The following SLC4A4 variants were observed in gnomAD, a reference collection of about 807,000 sequenced individuals.
SLC4A4 encodes solute carrier family 4 member 4, also known as electrogenic sodium bicarbonate cotransporter 1.
In SLC4A4, 27 loss-of-function variants were observed where a neutral mutation model predicts 111.5. The ratio of observed to expected loss-of-function variants is 0.24; its 90% CI spans 0.18 to 0.33. The LOEUF (loss-of-function observed/expected upper bound fraction) is 0.33, where lower values mean the gene tolerates loss of function less well. Among genes scored for constraint, SLC4A4 ranks in the 10% least tolerant of loss-of-function variants. The pLI is 1.00. For missense variants in SLC4A4, 909 were observed against 1,315.5 expected, an observed-to-expected ratio of 0.69 and a Z score of 4.78; for synonymous variants, 443 against 463.4, an observed-to-expected ratio of 0.96 and a Z score of 0.57.
At chr4:71,103,628 C>A (rs1033224088) in intron 2 of SLC4A4, among the ~76,000 whole-genome samples, 3 of 152,164 alleles carry the variant, frequency 2.0e-5, no homozygotes, top group African/African-American at 7.2e-5. Context: ...CACTCAAAAC[C>A]GCTCAACTAC....
At chr4:71,201,445 G>A (rs1033172971) in intron 1 of SLC4A4, among the ~76,000 whole-genome samples, 3 of 152,170 alleles carry the variant, frequency 2.0e-5, no homozygotes, top group Non-Finnish European at 4.4e-5. Flanking sequence ...CCACCAGCTG[G>A]GGAAGCACCT....
At chr4:71,519,558 C>T (rs1732737288) in intron 16 of SLC4A4, among the ~76,000 whole-genome samples, 1 of 152,164 alleles carries the variant, frequency 6.6e-6, no homozygotes. Context: ...GTCATCCTCC[C>T]TTATACCCCA....
At chr4:71,556,844 C>T (rs952951919) in intron 21 of SLC4A4, among the ~76,000 whole-genome samples, 5 of 151,856 alleles carry the variant, frequency 3.3e-5, no homozygotes, top group African/African-American at 1.2e-4. Flanking sequence ...TCTTTCCCTC[C>T]AGAAAGAAAA....
chr4:71,216,128 C>G (rs1301161253), intron 1 of SLC4A4, among the ~76,000 whole-genome samples: 2 of 152,012 alleles, frequency 1.3e-5, no homozygotes, highest in African/African-American at 2.4e-5. Flanking sequence ...ATGCTGGTCT[C>G]GAACTCCTGG....
Position 71,114,273 on chromosome 4 carries a change from G to T in SLC4A4, c.-2+21481G>T, listed in dbSNP as rs553544253. Among the ~76,000 whole-genome samples, 7 of 152,022 alleles carry T rather than the reference G, an allele frequency of 4.6e-5. No homozygotes were observed. In the South Asian group the frequency reaches 1.5e-3, roughly 32 times the overall value. On this transcript the variant is annotated intron_variant, in intron 2 of 26. Transcript: ENST00000649996. ...AAAACAAACAAACAAACATAGGCAT[G>T]GGCAAGGACTTCATGTCTAAAACAC...
chr4:71,382,423 A>C (rs976925992), intron 6 of SLC4A4, among the ~76,000 whole-genome samples: 2 of 152,206 alleles, frequency 1.3e-5, no homozygotes, highest in Admixed American at 6.5e-5. Context: ...TTCTAAGGTG[A>C]CTAATAGAAG....
At chr4:71,466,421 C>T in intron 12 of SLC4A4, 23 bp from the exon 13 acceptor site, 1 of 1,613,042 alleles carries the variant, frequency 6.2e-7, no homozygotes. Context: ...TTTCATTTAA[C>T]ATCTATATTT....
At chr4:71,317,597 T>G (rs917580646) in intron 3 of SLC4A4, among the ~76,000 whole-genome samples, 3 of 152,134 alleles carry the variant, frequency 2.0e-5, no homozygotes, top group African/African-American at 7.2e-5. Context: ...ATCAAGATTT[T>G]AACATGCCTC....
At chr4:71,162,423 T>C (rs1744638896) in intron 2 of SLC4A4, among the ~76,000 whole-genome samples, 1 of 152,206 alleles carries the variant, frequency 6.6e-6, no homozygotes, top group Admixed American at 6.5e-5. Flanking sequence ...TTACATCCTG[T>C]TTGATGGCAC....
In SLC4A4 at chr4:71,534,211, A is replaced by G; in HGVS notation, c.2281-16A>G. ...ACCTGATAATTTTCTGAAAAATGTCATCTGTCTTTTTCAAGCCAACAAGTC... is the reference window on the plus strand; with the variant it reads ...ACCTGATAATTTTCTGAAAAATGTCGTCTGTCTTTTTCAAGCCAACAAGTC... On this transcript the variant is annotated splice_polypyrimidine_tract_variant and intron_variant, in intron 17 of 25. Transcript: ENST00000264485. 1 of 1,612,922 alleles carries G rather than the reference A, an allele frequency of 6.2e-7. No homozygotes were observed. Among genetic ancestry groups the G allele is most frequent in the Non-Finnish European group, 8.5e-7 (1 of 1,179,266 alleles).
At chr4:71,441,972 G>C (rs903053488) in intron 8 of SLC4A4, among the ~76,000 whole-genome samples, 13 of 152,120 alleles carry the variant, frequency 8.5e-5, no homozygotes, top group East Asian at 1.9e-4. Flanking sequence ...GGTTCTATCT[G>C]TGCAGTCACC....
chr4:71,109,590 C>T (rs28710120), intron 2 of SLC4A4, among the ~76,000 whole-genome samples: 4,270 of 151,532 alleles, frequency 0.028, 78 homozygotes, highest in Middle Eastern at 0.058. Flanking sequence ...TCACCCAGGC[C>T]AGAGTACGGT....
At chr4:71,403,654 A>G (rs931376287) in intron 7 of SLC4A4, among the ~76,000 whole-genome samples, 4 of 152,154 alleles carry the variant, frequency 2.6e-5, no homozygotes, top group African/African-American at 7.2e-5. Context: ...AAAAAATATC[A>G]TAAGTGGCTG....
At chr4:71,432,234 G>A (rs1466703692) in intron 7 of SLC4A4, among the ~76,000 whole-genome samples, 1 of 152,120 alleles carries the variant, frequency 6.6e-6, no homozygotes, top group Non-Finnish European at 1.5e-5. Flanking sequence ...TGCCTAACTC[G>A]AGCAAGGAGT....
chr4:71,521,509 C>T (rs1397261518), intron 16 of SLC4A4, among the ~76,000 whole-genome samples: 2 of 152,134 alleles, frequency 1.3e-5, no homozygotes, highest in Non-Finnish European at 2.9e-5. Context: ...AGTGGGATTA[C>T]AGATCTTAGC....
chr4:71,484,291 GT>G (rs1205153742), intron 14 of SLC4A4, among the ~76,000 whole-genome samples: 1 of 151,734 alleles, frequency 6.6e-6, no homozygotes, highest in Non-Finnish European at 1.5e-5. Context: ...GTCTTCTAGG[GT>G]TTTTATAGTC....
At chr4:71,328,417 A>G (rs572976622) in intron 3 of SLC4A4, among the ~76,000 whole-genome samples, 11 of 151,962 alleles carry the variant, frequency 7.2e-5, no homozygotes, top group African/African-American at 2.2e-4. Context: ...GCTATTCTCC[A>G]TAGTGGCTAT....
intron 2 of SLC4A4, among the ~76,000 whole-genome samples, chr4:71,102,030 T>A (rs887142277): frequency 6.6e-6 from 1 of 150,500 alleles, no homozygotes; most frequent in East Asian, 2.0e-4. Flanking sequence ...TGAAAAAAAA[T>A]TAGAAGAATG....
chr4:71,267,791 C>CAAAAAAAAAAAAA (rs71212002), intron 3 of SLC4A4, among the ~76,000 whole-genome samples: 85 of 62,354 alleles, frequency 1.4e-3, no homozygotes, highest in East Asian at 5.9e-3. Context: ...GAGAGTCTGC[C>CAAAAAAAAAAAAA]AAAAAAAAAA....
Sources: gnomAD v4.1 joint callset for allele counts (sites outside exome capture counted in the v4.1 genomes callset) on GRCh38, gnomAD v4.1.1 for gene constraint, MANE v1.5 for transcripts, NCBI Gene and HGNC (gene_info 2026-07-23, HGNC 2026-07-21) for gene names.